The following KCND2 variants were observed in gnomAD, a reference collection of about 807,000 sequenced individuals.
KCND2 encodes A-type voltage-gated potassium channel KCND2.
Under a neutral mutation model 54.4 loss-of-function variants are expected in KCND2, and 16 were observed. That is an observed-to-expected ratio of 0.29 (90% CI 0.20 to 0.45). The LOEUF (loss-of-function observed/expected upper bound fraction) is 0.45. Among genes scored for constraint, KCND2 ranks in the 20% least tolerant of loss-of-function variants. The pLI is 1.00. For synonymous variants in KCND2, 317 were observed against 310.7 expected, an observed-to-expected ratio of 1.02 and a Z score of -0.21; for missense variants, 486 against 824.2, an observed-to-expected ratio of 0.59 and a Z score of 5.02.
intron 1 of KCND2, among the ~76,000 whole-genome samples, chr7:120,560,420 C>A (rs1037048975): frequency 1.3e-5 from 2 of 152,002 alleles, no homozygotes; most frequent in African/African-American, 4.8e-5. Flanking sequence ...GACGGAAAAG[C>A]GACAGTAAAA....
intron 1 of KCND2, among the ~76,000 whole-genome samples, chr7:120,380,182 A>T (rs1800896076): frequency 6.6e-6 from 1 of 152,110 alleles, no homozygotes; most frequent in African/African-American, 2.4e-5. Flanking sequence ...ACTGATACCC[A>T]TACATATTTT....
chr7:120,635,695 G>A (rs1793296054), intron 1 of KCND2, among the ~76,000 whole-genome samples: 1 of 152,108 alleles, frequency 6.6e-6, no homozygotes, highest in Non-Finnish European at 1.5e-5. Flanking sequence ...TCTTTGGAAT[G>A]TCTCCAGTGA....
Position 120,513,567 on chromosome 7 carries a change from T to A in KCND2, c.1116-219336T>A, listed in dbSNP as rs199755468. 2.0e-5 allele frequency among the ~76,000 whole-genome samples: 3 copies of A among 152,268 alleles called. No individual in the cohort carries two copies. The East Asian group carries it at 5.8e-4, about 29-fold the overall frequency. On this transcript the variant is annotated intron_variant, in intron 1 of 5. Transcript: ENST00000331113. ...TCCAGTTACATTTCTTGGAACTGAC[T>A]AGTTGTTTTGGTTTAGAAGGATACA...
chr7:120,518,456 C>T (rs1400590960), intron 1 of KCND2, among the ~76,000 whole-genome samples: 1 of 152,118 alleles, frequency 6.6e-6, no homozygotes, highest in African/African-American at 2.4e-5. Flanking sequence ...CAATTTCTCC[C>T]ATGAATTATC....
At chr7:120,664,336 T>G (rs1240422211) in intron 1 of KCND2, among the ~76,000 whole-genome samples, 1 of 152,108 alleles carries the variant, frequency 6.6e-6, no homozygotes, top group Non-Finnish European at 1.5e-5. Flanking sequence ...TTAGTACATG[T>G]AAAATTATAC....
intron 1 of KCND2, among the ~76,000 whole-genome samples, chr7:120,587,302 G>T (rs1007637608): frequency 3.9e-5 from 6 of 152,296 alleles, no homozygotes; most frequent in Non-Finnish European, 7.4e-5. Context: ...TTGAGCTGGA[G>T]TTTCCAGAAG....
At chr7:120,554,226 A>G (rs1792134969) in intron 1 of KCND2, among the ~76,000 whole-genome samples, 1 of 152,078 alleles carries the variant, frequency 6.6e-6, no homozygotes, top group African/African-American at 2.4e-5. Context: ...TTTAGTGTAA[A>G]TATGATGATG....
intron 1 of KCND2, among the ~76,000 whole-genome samples, chr7:120,370,940 C>T (rs1313648687): frequency 1.3e-5 from 2 of 152,036 alleles, no homozygotes; most frequent in Non-Finnish European, 2.9e-5. Context: ...GATTTTATTA[C>T]TCCAGATAGG....
chr7:120,387,280 T>C (rs2116042483), intron 1 of KCND2, among the ~76,000 whole-genome samples: 1 of 152,198 alleles, frequency 6.6e-6, no homozygotes. Flanking sequence ...TTTTCCAAAT[T>C]ACCATAAAAA....
chr7:120,278,212 G>A (rs1004044864), intron 1 of KCND2, among the ~76,000 whole-genome samples: 5 of 151,752 alleles, frequency 3.3e-5, no homozygotes, highest in African/African-American at 1.2e-4. Flanking sequence ...ATTCTTATAA[G>A]CCCTGCCTTT....
chr7:120,397,093 A>G (rs1166068087), intron 1 of KCND2, among the ~76,000 whole-genome samples: 2 of 152,068 alleles, frequency 1.3e-5, no homozygotes, highest in African/African-American at 2.4e-5. Flanking sequence ...ATGAACAGAC[A>G]CCTGCACTGT....
At chr7:120,488,829 A>G (rs771571942) in intron 1 of KCND2, among the ~76,000 whole-genome samples, 13 of 152,088 alleles carry the variant, frequency 8.5e-5, no homozygotes, top group Non-Finnish European at 1.6e-4. Context: ...CCGACACATC[A>G]ATTATGACTT....
At chr7:120,686,881 G>T (rs1014573034) in intron 1 of KCND2, among the ~76,000 whole-genome samples, 6 of 152,120 alleles carry the variant, frequency 3.9e-5, no homozygotes, top group Admixed American at 6.6e-5. Context: ...TCAGGAAACC[G>T]CTGATCACTA....
Position 120,360,542 on chromosome 7 carries a change from C to G in KCND2, c.1115+84795C>G, listed in dbSNP as rs574176006. Among the ~76,000 whole-genome samples the G allele has an allele frequency of 3.9e-5, 6 of 152,110 alleles. No homozygotes were observed. In the South Asian group the frequency reaches 6.2e-4, roughly 16 times the overall value. On this transcript the variant is annotated intron_variant, in intron 1 of 5. Coordinates refer to ENST00000331113, the MANE Select transcript of KCND2 (RefSeq NM_012281.3). ...ACTTAAAGTCTGTAAAAAGATTAAG[C>G]CTTTGTGCCAGTACTCTGTGGCTCT... is the stretch of plus-strand genomic sequence containing the variant.
intron 1 of KCND2, among the ~76,000 whole-genome samples, chr7:120,310,546 T>G (rs886620102): frequency 6.6e-6 from 1 of 152,226 alleles, no homozygotes; most frequent in South Asian, 2.1e-4. Context: ...TTTCTGTGCC[T>G]TTATTTCATA....
intron 1 of KCND2, among the ~76,000 whole-genome samples, chr7:120,442,822 A>C (rs1801962632): frequency 6.6e-6 from 1 of 152,150 alleles, no homozygotes; most frequent in Non-Finnish European, 1.5e-5. Context: ...GCTTTAAAGC[A>C]AACAGGAAGG....
At chr7:120,593,672 AATAT>A (rs1328250184) in intron 1 of KCND2, among the ~76,000 whole-genome samples, 1 of 152,170 alleles carries the variant, frequency 6.6e-6, no homozygotes, top group Non-Finnish European at 1.5e-5. Flanking sequence ...ATGATGGTAG[AATAT>A]ATATAAACGA....
chr7:120,285,953 T>G (rs1799335401), intron 1 of KCND2, among the ~76,000 whole-genome samples: 2 of 151,896 alleles, frequency 1.3e-5, no homozygotes, highest in African/African-American at 4.8e-5. Flanking sequence ...AGAACTTTAT[T>G]ATTTTTATGG....
chr7:120,635,484 T>C (rs970614945), intron 1 of KCND2, among the ~76,000 whole-genome samples: 1 of 152,142 alleles, frequency 6.6e-6, no homozygotes, highest in Middle Eastern at 3.2e-3. Context: ...CTACACAAAT[T>C]TGGTAGATAT....
Sources: gnomAD v4.1 joint callset for allele counts (sites outside exome capture counted in the v4.1 genomes callset) on GRCh38, gnomAD v4.1.1 for gene constraint, MANE v1.5 for transcripts, NCBI Gene and HGNC (gene_info 2026-07-23, HGNC 2026-07-21) for gene names.